Variants in ATP8B4 observed in about 807,000 individuals in gnomAD.
The protein encoded by ATP8B4 is ATPase phospholipid transporting 8B4 (putative).
A neutral mutation model predicts 145.6 loss-of-function variants in ATP8B4; 133 were observed. That is an observed-to-expected ratio of 0.91 (90% CI 0.79 to 1.05). The LOEUF (loss-of-function observed/expected upper bound fraction) is 1.05. ATP8B4 is among the 50% of genes least tolerant of loss of function. The probability of loss-of-function intolerance (pLI) is 0.00; values close to 1 mark genes in which losing one functional copy is unlikely to be tolerated. For missense variants in ATP8B4, 1,458 were observed against 1,425.2 expected (o/e 1.02, Z -0.37); for synonymous variants, 507 against 492.9 (o/e 1.03, Z -0.38).
At chr15:49,908,466 G>C (rs2038865504) in intron 20 of ATP8B4, among the ~76,000 whole-genome samples, 1 of 152,126 alleles carries the variant, frequency 6.6e-6, no homozygotes, top group Non-Finnish European at 1.5e-5. Context: ...TCCTGTGTAG[G>C]GAAAGTATAA....
intron 2 of ATP8B4, among the ~76,000 whole-genome samples, chr15:50,101,762 C>A (rs548868727): frequency 6.4e-4 from 97 of 152,244 alleles, no homozygotes; most frequent in African/African-American, 2.1e-3. Flanking sequence ...ATTTACAGAA[C>A]ATTCTACCCA....
chr15:50,038,408 T>C (rs2051003728), intron 6 of ATP8B4, among the ~76,000 whole-genome samples: 1 of 152,212 alleles, frequency 6.6e-6, no homozygotes, highest in African/African-American at 2.4e-5. Context: ...TCTAGCAATA[T>C]TCCCCAGAAA....
chr15:50,012,675 G>A (rs2048804608), intron 6 of ATP8B4, among the ~76,000 whole-genome samples: 1 of 152,096 alleles, frequency 6.6e-6, no homozygotes, highest in Non-Finnish European at 1.5e-5. Flanking sequence ...TGAACGAAGA[G>A]TAAGAAAAAG....
At chr15:49,864,444 C>A (rs751898983) in intron 26 of ATP8B4, among the ~76,000 whole-genome samples, 2 of 152,162 alleles carry the variant, frequency 1.3e-5, no homozygotes, top group African/African-American at 4.8e-5. Flanking sequence ...TTGGTCACTG[C>A]GCATCTCTCT....
chr15:49,984,703 C>A (rs193103616), intron 10 of ATP8B4, among the ~76,000 whole-genome samples: 1 of 151,906 alleles, frequency 6.6e-6, no homozygotes, highest in Non-Finnish European at 1.5e-5. Context: ...CAAAGCCCAA[C>A]CAGAAGCAGA....
chr15:49,952,165 T>C (rs2153493433), intron 14 of ATP8B4, among the ~76,000 whole-genome samples: 1 of 152,330 alleles, frequency 6.6e-6, no homozygotes, highest in Middle Eastern at 3.4e-3. Flanking sequence ...CTGAAGATTA[T>C]ATGCCTTGGG....
chr15:50,056,602 G>T (rs945702401), intron 3 of ATP8B4, among the ~76,000 whole-genome samples: 1 of 151,828 alleles, frequency 6.6e-6, no homozygotes, highest in African/African-American at 2.4e-5. Flanking sequence ...AATCCTTTGG[G>T]CTATGAGAAA....
At chr15:49,891,528 G>A (rs538652817) in intron 23 of ATP8B4, among the ~76,000 whole-genome samples, 15 of 152,178 alleles carry the variant, frequency 9.9e-5, no homozygotes, top group African/African-American at 2.4e-4. Context: ...GTTTTACTAC[G>A]TTGGCCAGGC....
intron 2 of ATP8B4, among the ~76,000 whole-genome samples, chr15:50,078,770 T>C (rs1468079188): frequency 6.6e-6 from 1 of 151,394 alleles, no homozygotes; most frequent in African/African-American, 2.4e-5. Flanking sequence ...GAAAAAAAAA[T>C]GGTTAGCCTG....
chr15:49,876,385 A>G lies in ATP8B4; in HGVS notation c.2920T>C (p.Tyr974His). The G allele has an allele frequency of 6.2e-7, 1 of 1,614,152 alleles. No homozygotes were observed. Among genetic ancestry groups the G allele is most frequent in the Non-Finnish European group, 8.5e-7 (1 of 1,179,998 alleles). Reference protein sequence around the residue: ...YTSLVLFFIPYGAFYNVAGED... With the variant: ...YTSLVLFFIPHGAFYNVAGED... ...CCAGCCACGTTGTAAAAGGCCCCAT[A>G]GGGGATGAAGAAAAGGACTAATGAG... The change falls in exon 25 of 28, where the codon TAT becomes CAT. Residue 974 changes from tyrosine (Y) to histidine (H), a missense_variant. By Grantham distance (83) the Tyr-to-His change is moderately conservative (BLOSUM62 2). Transcript: ENST00000284509.
intron 14 of ATP8B4, among the ~76,000 whole-genome samples, chr15:49,954,382 G>A (rs2043369895): frequency 6.6e-6 from 1 of 152,126 alleles, no homozygotes. Flanking sequence ...GAACCATCAA[G>A]AGAGTAAACA....
intron 2 of ATP8B4, among the ~76,000 whole-genome samples, chr15:50,086,121 T>C (rs1435233349): frequency 9.1e-6 from 1 of 109,660 alleles, no homozygotes; most frequent in Non-Finnish European, 1.7e-5. Context: ...TATAGATCTA[T>C]ATTATATATA....
At chr15:50,128,593 G>A (rs1283781397) in intron 1 of ATP8B4, among the ~76,000 whole-genome samples, 1 of 152,202 alleles carries the variant, frequency 6.6e-6, no homozygotes, top group Non-Finnish European at 1.5e-5. Flanking sequence ...GAGAGAAGCA[G>A]GAGAGGAGAG....
In ATP8B4 at chr15:50,022,010, G is replaced by A. The variant is rs558928176; in HGVS notation, c.363-11093C>T. Reference sequence around the variant, plus strand: ...GCTAATGACAAAGTCTGGAAAGAGGGTAAGGACAGGATGAATCATTGTAAG... The same window carrying A: ...GCTAATGACAAAGTCTGGAAAGAGGATAAGGACAGGATGAATCATTGTAAG... On this transcript the variant is annotated intron_variant, in intron 6 of 27. Coordinates refer to ENST00000284509, the MANE Select transcript of ATP8B4 (RefSeq NM_024837.4). Among the ~76,000 whole-genome samples the A allele has an allele frequency of 4.9e-4, 75 of 152,264 alleles. 1 individual carries two copies. The highest frequency in any genetic ancestry group is 1.7e-3 in the African/African-American group (71 of 41,544).
At chr15:49,998,243 G>C (rs1406067650) in intron 8 of ATP8B4, among the ~76,000 whole-genome samples, 4 of 152,078 alleles carry the variant, frequency 2.6e-5, no homozygotes, top group Non-Finnish European at 1.5e-5. Context: ...ATTTTCCTTT[G>C]GGTATATACC....
chr15:50,022,870 A>G (rs2049690278), intron 6 of ATP8B4, among the ~76,000 whole-genome samples: 1 of 152,220 alleles, frequency 6.6e-6, no homozygotes, highest in South Asian at 2.1e-4. Flanking sequence ...GATGGATAAG[A>G]AAGACCTTCT....
intron 12 of ATP8B4, among the ~76,000 whole-genome samples, chr15:49,977,307 A>T (rs996162491): frequency 1.3e-5 from 2 of 152,074 alleles, no homozygotes; most frequent in African/African-American, 4.8e-5. Context: ...AATTCCTTGG[A>T]ATGCTTTTTC....
At chr15:49,875,563 G>A (rs1021111444) in intron 25 of ATP8B4, among the ~76,000 whole-genome samples, 9 of 152,184 alleles carry the variant, frequency 5.9e-5, no homozygotes, top group Non-Finnish European at 7.3e-5. Flanking sequence ...AACTATGTGC[G>A]GTGATGCATG....
intron 1 of ATP8B4, among the ~76,000 whole-genome samples, chr15:50,142,658 T>C (rs1393598261): frequency 6.6e-6 from 1 of 152,108 alleles, no homozygotes; most frequent in Non-Finnish European, 1.5e-5. Context: ...GGCTCTAGTT[T>C]AAGGTAGTAA....
Sources: allele counts gnomAD v4.1 joint callset (sites outside exome capture counted in the v4.1 genomes callset), GRCh38; gene constraint gnomAD v4.1.1; transcripts MANE v1.5; gene names NCBI Gene and HGNC (gene_info 2026-07-23, HGNC 2026-07-21).